CPEB1: variants seen among roughly 807,000 people sequenced by gnomAD.
CPEB1 encodes the protein cytoplasmic polyadenylation element binding protein 1, also known as cytoplasmic polyadenylation element-binding protein 1.
A neutral mutation model predicts 65.8 loss-of-function variants in CPEB1; 7 were observed. The observed-to-expected ratio is 0.11, with a 90% CI of 0.06 to 0.20. The LOEUF (loss-of-function observed/expected upper bound fraction) is 0.20, where lower values mean the gene tolerates loss of function less well. Ranked by LOEUF, CPEB1 falls within the 10% of genes least tolerant of loss-of-function variation. The pLI is 1.00. For synonymous variants in CPEB1, 262 were observed against 260.0 expected (o/e 1.01, Z -0.08); for missense variants, 551 against 712.2 (o/e 0.77, Z 2.58).
At chr15:82,580,657 C>T (rs549409935) in intron 3 of CPEB1, among the ~76,000 whole-genome samples, 2 of 152,100 alleles carry the variant, frequency 1.3e-5, no homozygotes, top group South Asian at 2.1e-4. Context: ...AATTTTGTAC[C>T]ATTAGACACT....
chr15:82,647,578 G>A (rs1025511387), upstream of CPEB1: 3 of 317,112 alleles, frequency 9.5e-6, no homozygotes, highest in Non-Finnish European at 1.7e-5. Context: ...CCGCCTGGAG[G>A]CCGCAGTGCG....
intron 1 of CPEB1, among the ~76,000 whole-genome samples, chr15:82,646,686 G>A (rs1258421265): frequency 1.3e-5 from 2 of 152,236 alleles, no homozygotes; most frequent in Admixed American, 6.5e-5. Flanking sequence ...ACGCGGGGCC[G>A]CTCACAGAGC....
rs1200446676 is a variant in CPEB1, at chr15:82,629,331, GT to G, written c.-97-776del. The G allele has an allele frequency of 7.1e-6, 7 of 984,752 alleles. No homozygotes were observed. The African/African-American group carries it at 1.2e-4, about 17-fold the overall frequency. 61.0% of individuals were successfully genotyped at this position (984,752 alleles called of 1,614,324 possible). A position where few individuals can be genotyped will look rare whatever the true frequency, so the allele number is the denominator to read the frequency against. ...ACAAGAGAGGTAAGTACCAACAGTG[GT>G]AAAACCACCCAAACTGATTAAGTTA... On this transcript the variant is annotated intron_variant, in intron 1 of 12. Transcript: ENST00000684509.
chr15:82,629,950 T>C, intron 1 of CPEB1: 1 of 985,418 alleles, frequency 1.0e-6, no homozygotes, highest in Non-Finnish European at 1.2e-6. Context: ...ACGACCAAAA[T>C]ACACAATCCT....
intron 7 of CPEB1, 130 bp from the exon 8 acceptor site, chr15:82,553,686 G>A (rs1297815308): frequency 5.1e-6 from 4 of 783,862 alleles, no homozygotes; most frequent in Admixed American, 2.1e-5. Flanking sequence ...AACGAATGCT[G>A]ATCTCCGGTG....
chr15:82,598,951 T>A (rs779014055), intron 3 of CPEB1, among the ~76,000 whole-genome samples: 1 of 151,870 alleles, frequency 6.6e-6, no homozygotes, highest in Non-Finnish European at 1.5e-5. Context: ...CCCATAAAAA[T>A]TAAAAGTAAA....
At chr15:82,591,509 C>T (rs1053048965) in intron 3 of CPEB1, among the ~76,000 whole-genome samples, 1 of 152,088 alleles carries the variant, frequency 6.6e-6, no homozygotes, top group African/African-American at 2.4e-5. Flanking sequence ...TCAGGTGATC[C>T]GCCCACCTCG....
At chr15:82,592,200 T>C (rs1167356478) in intron 3 of CPEB1, among the ~76,000 whole-genome samples, 1 of 152,154 alleles carries the variant, frequency 6.6e-6, no homozygotes, top group Non-Finnish European at 1.5e-5. Context: ...TATATATGGG[T>C]ATACCCTGGA....
intron 3 of CPEB1, among the ~76,000 whole-genome samples, chr15:82,602,519 T>A (rs1378086033): frequency 1.3e-5 from 2 of 152,194 alleles, no homozygotes; most frequent in African/African-American, 4.8e-5. Flanking sequence ...ACTACCTTAG[T>A]GACAGGGCAA....
chr15:82,619,553 A>C (rs1404899979), intron 3 of CPEB1, among the ~76,000 whole-genome samples: 6 of 152,234 alleles, frequency 3.9e-5, no homozygotes, highest in Non-Finnish European at 8.8e-5. Flanking sequence ...CAAAGAACTC[A>C]TATGTGGCCT....
intron 9 of CPEB1, among the ~76,000 whole-genome samples, chr15:82,550,537 G>A (rs1357224806): frequency 3.9e-5 from 6 of 152,168 alleles, no homozygotes; most frequent in African/African-American, 1.4e-4. Flanking sequence ...GGCCTGGTAG[G>A]TGCTGGGCCT....
At chr15:82,582,453 T>G (rs780820233) in intron 3 of CPEB1, among the ~76,000 whole-genome samples, 1 of 152,120 alleles carries the variant, frequency 6.6e-6, no homozygotes, top group Non-Finnish European at 1.5e-5. Context: ...TTCCTCGCCA[T>G]CCCGTCTTTT....
chr15:82,605,992 C>T (rs909976132), intron 3 of CPEB1, among the ~76,000 whole-genome samples: 2 of 151,918 alleles, frequency 1.3e-5, no homozygotes, highest in African/African-American at 4.8e-5. Flanking sequence ...GAGGCGAGAT[C>T]GCGCCATTGT....
intron 4 of CPEB1, 97 bp downstream of exon 4, chr15:82,571,247 G>T: frequency 6.9e-7 from 1 of 1,449,460 alleles, no homozygotes; most frequent in Non-Finnish European, 9.2e-7. Flanking sequence ...GGTGGGGAGT[G>T]ATGCAAAGGG....
At position 82,557,266 on chromosome 15, in the gene CPEB1, C is replaced by T. The variant is rs1390640310; in HGVS notation, c.687+494G>A. ...GATTCATCATGGCATGAATTGAAAG[C>T]TGACACGGGTCAGTGGAAAAAATAC... On this transcript the variant is annotated intron_variant, in intron 5 of 12. Coordinates refer to ENST00000684509, the MANE Select transcript of CPEB1 (RefSeq NM_001365242.1). 2.0e-5 allele frequency among the ~76,000 whole-genome samples: 3 copies of T among 152,180 alleles called. No individual in the cohort carries two copies. In the East Asian group the frequency reaches 5.8e-4, roughly 29 times the overall value.
chr15:82,604,935 T>TA (rs1207815000), intron 3 of CPEB1, among the ~76,000 whole-genome samples: 4 of 152,128 alleles, frequency 2.6e-5, no homozygotes, highest in Admixed American at 2.6e-4. Context: ...CAAAGAGACC[T>TA]ACACCAAGAC....
At chr15:82,646,485 C>CA (rs2047542456) in intron 1 of CPEB1, among the ~76,000 whole-genome samples, 1 of 152,132 alleles carries the variant, frequency 6.6e-6, no homozygotes, top group African/African-American at 2.4e-5. Context: ...GGCCTCCTCC[C>CA]AGGCGGGCCT....
intron 3 of CPEB1, among the ~76,000 whole-genome samples, chr15:82,609,357 T>A (rs1392761710): frequency 6.6e-6 from 1 of 151,874 alleles, no homozygotes; most frequent in Non-Finnish European, 1.5e-5. Context: ...ATAAATTAGC[T>A]AGGCATGGTG....
At chr15:82,580,129 G>A (rs918218189) in intron 3 of CPEB1, among the ~76,000 whole-genome samples, 14 of 151,390 alleles carry the variant, frequency 9.2e-5, no homozygotes, top group South Asian at 2.1e-4. Flanking sequence ...AGACCATCCT[G>A]GCCAACATGG....
Sources: allele counts gnomAD v4.1 joint callset (sites outside exome capture counted in the v4.1 genomes callset), GRCh38; gene constraint gnomAD v4.1.1; transcripts MANE v1.5; gene names NCBI Gene and HGNC (gene_info 2026-07-23, HGNC 2026-07-21).